The following BARHL2 variants were observed in gnomAD, a reference collection of about 807,000 sequenced individuals.
BARHL2 encodes the protein BarH like homeobox 2.
In BARHL2, 10 loss-of-function variants were observed where a neutral mutation model predicts 27.1. The observed-to-expected ratio is 0.37, with a 90% CI of 0.23 to 0.63. BARHL2 has a LOEUF of 0.63. Ranked by LOEUF, BARHL2 falls within the 20% of genes least tolerant of loss-of-function variation. The probability of loss-of-function intolerance (pLI) is 0.65; values close to 1 mark genes in which losing one functional copy is unlikely to be tolerated. For synonymous variants in BARHL2, 248 were observed against 224.7 expected, an observed-to-expected ratio of 1.10 and a Z score of -0.93; for missense variants, 483 against 533.5, an observed-to-expected ratio of 0.91 and a Z score of 0.93.
intron 2 of BARHL2, among the ~76,000 whole-genome samples, chr1:90,713,451 G>A (rs947473741): frequency 7.2e-5 from 11 of 152,200 alleles, no homozygotes; most frequent in Admixed American, 7.2e-4. Flanking sequence ...ATGAAGGAAC[G>A]CAGGGCTGGT....
chr1:90,712,368 G>A lies in BARHL2; in HGVS notation c.1108C>T (p.Gln370Ter). 6.4e-7 allele frequency: 1 copy of A among 1,553,904 alleles called. No homozygotes were observed. Among genetic ancestry groups the A allele is most frequent in the Non-Finnish European group, 8.7e-7 (1 of 1,145,710 alleles). The stretch of plus-strand genomic sequence containing the variant: ...CTGGACAATGGATTAAGGGCTGGCT[G>A]TCCCCCAGGCCCTAGGCCGTGGATG... ...VLIHGLGPGG[Q>*]PALNPLSSPI... Residue 370 changes from glutamine to a stop codon, truncating the protein, a stop_gained, in exon 3 of 3, where the codon CAG (glutamine) becomes TAG (stop). Coordinates refer to ENST00000370445, the MANE Select transcript of BARHL2 (RefSeq NM_020063.2). LOFTEE classifies it high-confidence loss of function.
chr1:90,712,625 CT>C lies in BARHL2; in HGVS notation c.852-2del. 6.2e-7 allele frequency: 1 copy of C among 1,601,334 alleles called. No individual in the cohort carries two copies. On this transcript the variant is annotated splice_acceptor_variant, in intron 2 of 2. Coordinates refer to ENST00000370445, the MANE Select transcript of BARHL2 (RefSeq NM_020063.2). LOFTEE classifies it high-confidence loss of function. Reference sequence around the variant, plus strand: ...CGCTGTCTGCCGCTTCCACTTGGTCCTGAAAGAAAGCGGGTGTGCAGGCACC... The same window carrying C: ...CGCTGTCTGCCGCTTCCACTTGGTCCGAAAGAAAGCGGGTGTGCAGGCACC...
chr1:90,717,220 C>T lies in BARHL2; in HGVS notation c.-25G>A, dbSNP rs766243905. On this transcript the variant is annotated 5_prime_UTR_variant, in exon 1 of 3. Coordinates refer to ENST00000370445, the MANE Select transcript of BARHL2 (RefSeq NM_020063.2). ...TTGCTACATGAGGTCCACGCCACTC[C>T]GCCGTTCAGCAGCCGCCCCGAACCA... 7.5e-6 allele frequency: 12 copies of T among 1,596,660 alleles called. No homozygotes were observed. The South Asian group carries it at 1.1e-4, about 15-fold the overall frequency.
intron 2 of BARHL2, among the ~76,000 whole-genome samples, chr1:90,713,547 G>A (rs952922103): frequency 3.3e-5 from 5 of 152,146 alleles, no homozygotes; most frequent in South Asian, 2.1e-4. Context: ...AATGTTTTCC[G>A]ACAGAATTAG....
intron 1 of BARHL2, among the ~76,000 whole-genome samples, chr1:90,715,660 G>C (rs908470553): frequency 3.9e-5 from 6 of 152,128 alleles, no homozygotes; most frequent in Non-Finnish European, 1.5e-5. Flanking sequence ...CTTCCAGTCA[G>C]TACATTTCTT....
rs1181797224 is a variant in BARHL2 at position 90,716,931 on chromosome 1, G to A, written c.265C>T (p.His89Tyr). ...GGCGGCGGCGGCTGCTGGCTGTGGT[G>A]GAGGTGGTGATGATGCTGGGTCGCG... ...ADATQHHHHL[H>Y]HSQQPPPPAA... Residue 89 changes from histidine to tyrosine, a missense_variant, in exon 1 of 3, where the codon CAC becomes TAC. Physicochemically the swap from His to Tyr is moderately conservative, Grantham distance 83. Coordinates refer to ENST00000370445, the MANE Select transcript of BARHL2 (RefSeq NM_020063.2). 6.2e-7 allele frequency: 1 copy of A among 1,611,426 alleles called. No homozygotes were observed. The highest frequency in any genetic ancestry group is 8.5e-7 in the Non-Finnish European group (1 of 1,179,268).
In BARHL2 at chr1:90,716,875, A is replaced by G. The variant is rs772479464; in HGVS notation, c.321T>C (p.Pro107=). 3 of 1,578,336 alleles carry G rather than the reference A, an allele frequency of 1.9e-6. No homozygotes were observed. Among genetic ancestry groups the G allele is most frequent in the Non-Finnish European group, 1.7e-6 (2 of 1,163,306 alleles). ...PAAAPTQSLQ[P]LPQQQQPLPP... ...GCAGCGGCTGCTGCTGTTGGGGCAA[A>G]GGCTGCAAACTTTGCGTCGGGGCCG... Residue 107 remains proline (P), a synonymous_variant, in exon 1 of 3, where the codon CCT becomes CCC. Coordinates refer to ENST00000370445, the MANE Select transcript of BARHL2 (RefSeq NM_020063.2).
chr1:90,716,979 G>A lies in BARHL2; in HGVS notation c.217C>T (p.Pro73Ser), dbSNP rs1281143938. 6.2e-7 allele frequency: 1 copy of A among 1,613,610 alleles called. No individual in the cohort carries two copies. The highest frequency in any genetic ancestry group is 8.5e-7 in the Non-Finnish European group (1 of 1,179,818). Residue 73 changes from proline to serine, a missense_variant, in exon 1 of 3, where the codon CCG becomes TCG. Physicochemically the swap from Pro to Ser is moderately conservative, Grantham distance 74 (BLOSUM62 -1). Transcript: ENST00000370445. ...GCGTCTGCTACCAGATGCGGCTCCG[G>A]GGGCTCCATGGTGACTGAGATAGGA... ...SSPISVTMEP[P>S]EPHLVADATQ...
rs1658048857 is a variant in BARHL2 at position 90,712,299 on chromosome 1, C to T, written c.*13G>A. 2.1e-6 allele frequency: 3 copies of T among 1,447,014 alleles called. No homozygotes were observed. The highest frequency in any genetic ancestry group is 2.5e-5 in the East Asian group (1 of 39,830). 89.6% of individuals were successfully genotyped at this position (1,447,014 alleles called of 1,614,324 possible). ...TATGGGGAAGGGATTGCAGTGCCTT[C>T]GCTGCAATGTTTTCACCGGGGGTGT... On this transcript the variant is annotated 3_prime_UTR_variant, in exon 3 of 3. Coordinates refer to ENST00000370445, the MANE Select transcript of BARHL2 (RefSeq NM_020063.2).
In BARHL2 at chr1:90,717,145, C is replaced by CTT. The variant is rs1278274495; in HGVS notation, c.50_51insAA (p.Ser19ProfsTer10). ...CTGGGCTGCCTGAACTGGCACTGGA[C>CTT]AAAATCGTGTCTATTCCAAAACTCG... is the stretch of plus-strand genomic sequence containing the variant. On this transcript the variant is annotated frameshift_variant, in exon 1 of 3. Coordinates refer to ENST00000370445, the MANE Select transcript of BARHL2 (RefSeq NM_020063.2). LOFTEE classifies it high-confidence loss of function. 6.2e-7 allele frequency: 1 copy of CTT among 1,613,666 alleles called. No homozygotes were observed. The highest frequency in any genetic ancestry group is 8.5e-7 in the Non-Finnish European group (1 of 1,179,948).
intron 1 of BARHL2, among the ~76,000 whole-genome samples, chr1:90,716,082 C>T (rs1658137901): frequency 1.5e-5 from 2 of 136,832 alleles, no homozygotes; most frequent in South Asian, 2.3e-4. Context: ...CCATTAAAAC[C>T]GATAATTCCT....
At chr1:90,714,423 TCA>T in intron 2 of BARHL2, 106 bp downstream of exon 2, 1 of 1,085,436 alleles carries the variant, frequency 9.2e-7, no homozygotes, top group Non-Finnish European at 1.4e-6. Context: ...CACTCCAGGG[TCA>T]CTCTCAGTCC....
Position 90,716,657 on chromosome 1 carries a change from T to C in BARHL2, c.539A>G (p.Glu180Gly), listed in dbSNP as rs146412001. 3.6e-4 allele frequency: 584 copies of C among 1,613,900 alleles called. No individual in the cohort carries two copies. The highest frequency in any genetic ancestry group is 2.5e-3 in the Middle Eastern group (15 of 6,060). Residue 180 changes from glutamate to glycine, a missense_variant, in exon 1 of 3, where the codon GAG becomes GGG. Glu to Gly is a moderately conservative substitution (Grantham distance 98). Coordinates refer to ENST00000370445, the MANE Select transcript of BARHL2 (RefSeq NM_020063.2). The part of the protein sequence containing the change: ...TPKQESNAVH[E>G]SFRPKLEQED... ...CTGCTCGAGCTTTGGCCTGAAGCTC[T>C]CGTGCACTGCGTTGCTCTCCTGCTT...
intron 1 of BARHL2, among the ~76,000 whole-genome samples, chr1:90,715,031 AT>A (rs1234041188): frequency 1.3e-5 from 2 of 152,036 alleles, no homozygotes; most frequent in Non-Finnish European, 2.9e-5. Flanking sequence ...AAAAGTAAAA[AT>A]TTTTTTAAAT....
In BARHL2 at chr1:90,714,830, C is replaced by T. The variant is rs374702590; in HGVS notation, c.626-74G>A. 108 of 1,442,800 alleles carry T rather than the reference C, an allele frequency of 7.5e-5. No homozygotes were observed. In the African/African-American group the frequency reaches 1.1e-3, roughly 15 times the overall value. The allele number at this position is 1,442,800 out of a possible 1,614,324, so 89.4% of individuals were successfully genotyped here. The stretch of plus-strand genomic sequence containing the variant: ...GGACTGAGTGTCCTCCTGGCATACA[C>T]TTCCACATTCCCAAGCCAACTACTG... On this transcript the variant is annotated intron_variant, in intron 1 of 2. Transcript: ENST00000370445.
rs1303839998 is a variant in BARHL2 at position 90,716,669 on chromosome 1, T to C, written c.527A>G (p.Asn176Ser). The C allele has an allele frequency of 2.5e-6, 4 of 1,613,606 alleles. No homozygotes were observed. The Admixed American group carries it at 6.7e-5, about 27-fold the overall frequency. The change falls in exon 1 of 3, where the codon AAC becomes AGC. Residue 176 changes from asparagine (N) to serine (S), a missense_variant. By Grantham distance (46) the Asn-to-Ser change is conservative. This residue lies in a region of BARHL2 where 304 missense variants were observed against 284.9 expected (regional missense o/e 1.07). Coordinates refer to ENST00000370445, the MANE Select transcript of BARHL2 (RefSeq NM_020063.2). ...SPHHTPKQES[N>S]AVHESFRPKL... ...TGGCCTGAAGCTCTCGTGCACTGCG[T>C]TGCTCTCCTGCTTCGGGGTGTGGTG...
intron 1 of BARHL2, among the ~76,000 whole-genome samples, chr1:90,716,295 G>T (rs1212148257): frequency 1.3e-5 from 2 of 152,054 alleles, no homozygotes; most frequent in Admixed American, 6.6e-5. Context: ...GATGCCCTCC[G>T]CCGCCCCTCA....
In BARHL2 at chr1:90,712,061, T is replaced by G; in HGVS notation, c.*251A>C. On this transcript the variant is annotated 3_prime_UTR_variant, in exon 3 of 3. Transcript: ENST00000370445. ...GGTTGCACTCTGTGTGGGGTCAGCA[T>G]TTTCACCAGTCACACTGCTGTGGGG... is the stretch of plus-strand genomic sequence containing the variant. 1 of 385,100 alleles carries G rather than the reference T, an allele frequency of 2.6e-6. No homozygotes were observed. Among genetic ancestry groups the G allele is most frequent in the East Asian group, 3.8e-5 (1 of 26,468 alleles). 23.9% of individuals were successfully genotyped at this position (385,100 alleles called of 1,614,324 possible).
In BARHL2 at chr1:90,717,260, C is replaced by A; in HGVS notation, c.-65G>T. The A allele has an allele frequency of 3.8e-6, 6 of 1,559,728 alleles. No homozygotes were observed. Among genetic ancestry groups the A allele is most frequent in the Non-Finnish European group, 5.2e-6 (6 of 1,164,772 alleles). ...GCCCCGAACCAGCGAAGAAAGCTAT[C>A]GATCGTAAAACAAAATAAACACCAA... On this transcript the variant is annotated 5_prime_UTR_variant, in exon 1 of 3. Coordinates refer to ENST00000370445, the MANE Select transcript of BARHL2 (RefSeq NM_020063.2).
Sources: gnomAD v4.1 joint callset for allele counts (sites outside exome capture counted in the v4.1 genomes callset) on GRCh38, gnomAD v4.1.1 for gene constraint, gnomAD v4.1.1 regional missense constraint, MANE v1.5 for transcripts, NCBI Gene and HGNC (gene_info 2026-07-23, HGNC 2026-07-21) for gene names.